Variants in KLF17 observed in about 807,000 individuals in gnomAD.
KLF17 encodes Krueppel-like factor 17.
KLF17 carries 31 observed loss-of-function variants against 34.2 expected under a neutral mutation model. That is an observed-to-expected ratio of 0.91 (90% CI 0.68 to 1.22). KLF17 has a LOEUF of 1.22. Among genes scored for constraint, KLF17 ranks in the 50% most tolerant of loss-of-function variants. The probability of loss-of-function intolerance (pLI) is 0.00; values close to 1 mark genes in which losing one functional copy is unlikely to be tolerated. For missense variants in KLF17, 478 were observed against 505.2 expected (o/e 0.95, Z 0.52); for synonymous variants, 179 against 186.7 (o/e 0.96, Z 0.34).
the KLF17 span, among the ~76,000 whole-genome samples, chr1:44,077,431 C>A: frequency 6.6e-6 from 1 of 152,130 alleles, no homozygotes; most frequent in South Asian, 2.1e-4. Context: ...TACTCCAAAA[C>A]TCGGTGGCAT....
the KLF17 span, chr1:44,047,837 A>G: frequency 6.6e-6 from 1 of 152,138 alleles, no homozygotes; most frequent in South Asian, 2.1e-4. Flanking sequence ...ACTGCAACAC[A>G]TTGGCATTAG....
At chr1:44,065,868 G>C in the KLF17 span, among the ~76,000 whole-genome samples, 26 of 121,108 alleles carry the variant, frequency 2.1e-4, no homozygotes, top group Non-Finnish European at 3.8e-4. Context: ...AAGAAATATA[G>C]AAGTAATTCA....
At chr1:44,114,673 G>C (rs1019035096), upstream of KLF17, 1 of 152,168 alleles carries the variant, frequency 6.6e-6, no homozygotes, top group Non-Finnish European at 1.5e-5. Flanking sequence ...CCACATGCAG[G>C]CTAGAAGGGG....
the KLF17 span, chr1:44,103,399 TGGAGCTGGTGCGGCTGAA>T: frequency 1.3e-6 from 1 of 766,756 alleles, no homozygotes; most frequent in Non-Finnish European, 2.4e-6. Flanking sequence ...ACGGCCCTGG[TGGAGCTGGTGCGGCTGAA>T]GGAGCTGGCG....
chr1:44,078,434 C>CTTT, the KLF17 span, among the ~76,000 whole-genome samples: 8,882 of 121,832 alleles, frequency 0.073, 337 homozygotes, highest in Non-Finnish European at 0.091. Context: ...GCTTTTCCTT[C>CTTT]TTCTTTTTTT....
chr1:44,077,282 T>A, the KLF17 span, among the ~76,000 whole-genome samples: 4 of 151,728 alleles, frequency 2.6e-5, no homozygotes, highest in African/African-American at 9.7e-5. Flanking sequence ...GAGGCGGAGG[T>A]TGCAGTGAGC....
At chr1:44,073,166 G>C in the KLF17 span, among the ~76,000 whole-genome samples, 3 of 151,790 alleles carry the variant, frequency 2.0e-5, no homozygotes, top group African/African-American at 7.3e-5. Flanking sequence ...GTGTGAGCTG[G>C]AGGGAAAGTT....
At chr1:44,102,897 A>G in the KLF17 span, among the ~76,000 whole-genome samples, 3,566 of 152,240 alleles carry the variant, frequency 0.023, 138 homozygotes, top group African/African-American at 0.081. Context: ...ATAATATAAT[A>G]TAATAAGCTT....
the KLF17 span, among the ~76,000 whole-genome samples, chr1:44,053,002 C>T: frequency 5.3e-5 from 8 of 151,252 alleles, no homozygotes; most frequent in African/African-American, 1.5e-4. Context: ...CTGGTTCAAG[C>T]GATTCTCCTG....
At chr1:44,081,630 A>C in the KLF17 span, among the ~76,000 whole-genome samples, 1 of 152,092 alleles carries the variant, frequency 6.6e-6, no homozygotes, top group South Asian at 2.1e-4. Context: ...CATGTTGGCC[A>C]GGCTGGTCTT....
chr1:44,051,696 G>A, the KLF17 span, among the ~76,000 whole-genome samples: 1 of 151,396 alleles, frequency 6.6e-6, no homozygotes, highest in African/African-American at 2.4e-5. Context: ...GTCCTAAGAT[G>A]TATGTTTTGT....
chr1:44,060,992 G>C, the KLF17 span: 1 of 152,212 alleles, frequency 6.6e-6, no homozygotes, highest in Non-Finnish European at 1.5e-5. Flanking sequence ...GCTGTATCTG[G>C]CTAGCTATCA....
the KLF17 span, among the ~76,000 whole-genome samples, chr1:44,107,655 A>C: frequency 1.1e-4 from 17 of 152,018 alleles, no homozygotes; most frequent in East Asian, 3.1e-3. Flanking sequence ...GCTACCCTTC[A>C]TTGGTCGCTT....
At chr1:44,127,682 C>CCTTCTTTCTT (rs2088035752) in intron 1 of KLF17, among the ~76,000 whole-genome samples, 1 of 50,296 alleles carries the variant, frequency 2.0e-5, no homozygotes, top group Admixed American at 2.6e-4. Flanking sequence ...TTCTTTCTTT[C>CCTTCTTTCTT]TTTCTTTCTT....
chr1:44,094,704 T>C, the KLF17 span, among the ~76,000 whole-genome samples: 1 of 152,128 alleles, frequency 6.6e-6, no homozygotes, highest in East Asian at 1.9e-4. Flanking sequence ...GGGCAATGTG[T>C]CTGTTTTTAT....
chr1:44,086,396 G>A, the KLF17 span, among the ~76,000 whole-genome samples: 2 of 152,342 alleles, frequency 1.3e-5, no homozygotes, highest in East Asian at 3.9e-4. Context: ...AATTCGGGAA[G>A]TAGAGGTTGC....
chr1:44,084,847 GC>G, the KLF17 span, among the ~76,000 whole-genome samples: 1 of 150,784 alleles, frequency 6.6e-6, no homozygotes, highest in Non-Finnish European at 1.5e-5. Context: ...GCCAAGGCAG[GC>G]AGAATGCTTG....
chr1:44,070,643 G>C, the KLF17 span, among the ~76,000 whole-genome samples: 1 of 128,894 alleles, frequency 7.8e-6, no homozygotes, highest in African/African-American at 3.0e-5. Context: ...CTGTTGCCCA[G>C]GCTGGAGTGC....
chr1:44,074,036 G>A, the KLF17 span, among the ~76,000 whole-genome samples: 1 of 152,068 alleles, frequency 6.6e-6, no homozygotes, highest in African/African-American at 2.4e-5. Context: ...TGAGAAAGAA[G>A]GAATAAGTGA....
Sources: allele counts gnomAD v4.1 joint callset (sites outside exome capture counted in the v4.1 genomes callset), GRCh38; gene constraint gnomAD v4.1.1; transcripts MANE v1.5; gene names NCBI Gene and HGNC (gene_info 2026-07-23, HGNC 2026-07-21).